VPS13B: variants seen among roughly 807,000 people sequenced by gnomAD.
VPS13B encodes the protein vacuolar protein sorting 13 homolog B, also known as intermembrane lipid transfer protein VPS13B.
VPS13B carries 285 observed loss-of-function variants against 426.4 expected under a neutral mutation model. The ratio of observed to expected loss-of-function variants is 0.67; its 90% CI spans 0.61 to 0.74. VPS13B has a LOEUF of 0.74. VPS13B is among the 30% of genes least tolerant of loss of function. VPS13B has a pLI of 0.00. For synonymous variants in VPS13B, 1,676 were observed against 1,676.4 expected (o/e 1.00, Z 0.01); for missense variants, 4,537 against 4,782.6 (o/e 0.95, Z 1.51).
intron 19 of VPS13B, among the ~76,000 whole-genome samples, chr8:99,320,441 G>A (rs1809915544): frequency 6.6e-6 from 1 of 151,826 alleles, no homozygotes; most frequent in South Asian, 2.1e-4. Flanking sequence ...TGTGATTTTG[G>A]CCAATTAATG....
At chr8:99,663,574 G>A (rs2129788129) in intron 35 of VPS13B, among the ~76,000 whole-genome samples, 1 of 152,084 alleles carries the variant, frequency 6.6e-6, no homozygotes, top group African/African-American at 2.4e-5. Context: ...CACTAAAAAT[G>A]AAAAAAACAT....
intron 33 of VPS13B, among the ~76,000 whole-genome samples, chr8:99,631,586 T>A (rs1312906618): frequency 6.6e-6 from 1 of 152,098 alleles, no homozygotes; most frequent in African/African-American, 2.4e-5. Context: ...CTGCTTGTAA[T>A]CATCTGGAAA....
At position 99,212,155 on chromosome 8, in the gene VPS13B, A is replaced by G. The variant is rs112231695; in HGVS notation, c.2515+19098A>G. ...TGATCCGCCCGCCTTGGCGTCCCAC[A>G]GTTCTGAGGTTACAGGCATGAGCCA... On this transcript the variant is annotated intron_variant, in intron 17 of 61. Coordinates refer to ENST00000357162, the MANE Select transcript of VPS13B (RefSeq NM_152564.5). Among the ~76,000 whole-genome samples the G allele has an allele frequency of 1.8e-3, 276 of 152,274 alleles. 1 individual carries two copies. Among genetic ancestry groups the G allele is most frequent in the African/African-American group, 6.3e-3 (262 of 41,556 alleles).
intron 17 of VPS13B, among the ~76,000 whole-genome samples, chr8:99,273,163 T>G (rs190609557): frequency 1.3e-5 from 2 of 149,892 alleles, no homozygotes; most frequent in Admixed American, 6.6e-5. Flanking sequence ...CAGGTAGTTT[T>G]TTTTTTTTTT....
chr8:99,813,880 T>C (rs1813868082), intron 44 of VPS13B, among the ~76,000 whole-genome samples: 1 of 152,232 alleles, frequency 6.6e-6, no homozygotes, highest in Non-Finnish European at 1.5e-5. Flanking sequence ...ATGCCTATGA[T>C]CCCAGCACTT....
intron 17 of VPS13B, among the ~76,000 whole-genome samples, chr8:99,251,166 C>G (rs554698965): frequency 1.3e-4 from 20 of 152,004 alleles, no homozygotes; most frequent in Non-Finnish European, 2.6e-4. Flanking sequence ...TTTTATCTCT[C>G]TTTGTTATTG....
At chr8:99,764,602 C>T (rs1409842610) in intron 39 of VPS13B, among the ~76,000 whole-genome samples, 5 of 151,672 alleles carry the variant, frequency 3.3e-5, no homozygotes, top group Admixed American at 6.6e-5. Context: ...TTAGTAGATA[C>T]GGGGTTTCTC....
chr8:99,297,824 A>C (rs1426007624), intron 19 of VPS13B, among the ~76,000 whole-genome samples: 1 of 152,188 alleles, frequency 6.6e-6, no homozygotes, highest in Non-Finnish European at 1.5e-5. Context: ...CCATCTTTCT[A>C]TGCCACTAAA....
intron 2 of VPS13B, among the ~76,000 whole-genome samples, chr8:99,020,458 C>T (rs961587764): frequency 6.6e-6 from 1 of 152,040 alleles, no homozygotes; most frequent in African/African-American, 2.4e-5. Flanking sequence ...ATAATAGTGT[C>T]CTTTGATGCA....
chr8:99,208,726 T>C (rs1310920618), intron 17 of VPS13B, among the ~76,000 whole-genome samples: 4 of 152,346 alleles, frequency 2.6e-5, no homozygotes, highest in Admixed American at 6.5e-5. Flanking sequence ...TTATCATAGA[T>C]TGACTTCCTA....
At chr8:99,284,694 G>T (rs1819340939) in intron 19 of VPS13B, among the ~76,000 whole-genome samples, 1 of 150,188 alleles carries the variant, frequency 6.7e-6, no homozygotes, top group African/African-American at 2.5e-5. Context: ...ATGACTACAG[G>T]CATGAGCTGC....
Position 99,819,441 on chromosome 8 carries a change from T to C in VPS13B, c.8651T>C (p.Val2884Ala), listed in dbSNP as rs767992097. 6.2e-7 allele frequency: 1 copy of C among 1,613,900 alleles called. No homozygotes were observed. Among genetic ancestry groups the C allele is most frequent in the Admixed American group, 1.7e-5 (1 of 60,006 alleles). The change falls in exon 48 of 62, where the codon GTT becomes GCT. Residue 2884 changes from valine to alanine, a missense_variant. By Grantham distance (64) the Val-to-Ala change is moderately conservative (BLOSUM62 0). Coordinates refer to ENST00000357162, the MANE Select transcript of VPS13B (RefSeq NM_152564.5). ...REEYDPSDCA[V>A]PISTSLIKQI... Reference sequence around the variant, plus strand: ...GAATATGATCCTTCAGATTGTGCAGTTCCCATCTCAACATCCCTCATTAAG... The same window carrying C: ...GAATATGATCCTTCAGATTGTGCAGCTCCCATCTCAACATCCCTCATTAAG...
At chr8:99,121,037 A>T in intron 7 of VPS13B, 140 bp from the exon 8 acceptor site, 1 of 718,576 alleles carries the variant, frequency 1.4e-6, no homozygotes, top group Admixed American at 2.9e-5. Context: ...TATTGGTTTC[A>T]AATAGTAATA....
intron 35 of VPS13B, among the ~76,000 whole-genome samples, chr8:99,663,340 A>C: frequency 6.6e-6 from 1 of 152,204 alleles, no homozygotes; most frequent in East Asian, 1.9e-4. Flanking sequence ...GTGTAGAAGT[A>C]TGAAGAACTA....
In VPS13B at chr8:99,844,271, C is replaced by T. The variant is rs112013836; in HGVS notation, c.9943-4505C>T. Among the ~76,000 whole-genome samples the T allele has an allele frequency of 2.4e-3, 361 of 151,960 alleles. 1 individual carries two copies. The highest frequency in any genetic ancestry group is 8.2e-3 in the African/African-American group (341 of 41,436). ...TCCAACATCAGGGTACTGGCAGATT[C>T]GGTATCTGGTGAGGACCCACTTCCT... On this transcript the variant is annotated intron_variant, in intron 54 of 61. Coordinates refer to ENST00000357162, the MANE Select transcript of VPS13B (RefSeq NM_152564.5).
At chr8:99,228,588 A>C (rs548572413) in intron 17 of VPS13B, among the ~76,000 whole-genome samples, 2 of 152,100 alleles carry the variant, frequency 1.3e-5, no homozygotes, top group East Asian at 3.9e-4. Context: ...TAGTTATCCA[A>C]TCTCACAGAT....
intron 19 of VPS13B, among the ~76,000 whole-genome samples, chr8:99,371,889 A>G (rs984711507): frequency 1.3e-5 from 2 of 152,188 alleles, no homozygotes; most frequent in African/African-American, 4.8e-5. Flanking sequence ...AAAGACTTAG[A>G]TGTAAAACCC....
At chr8:99,763,150 A>G (rs1411921593) in intron 39 of VPS13B, among the ~76,000 whole-genome samples, 3 of 150,318 alleles carry the variant, frequency 2.0e-5, no homozygotes, top group East Asian at 1.9e-4. Context: ...AAAAAAAAAA[A>G]AAAAAAAAAA....
chr8:99,151,579 G>C (rs186648998), intron 14 of VPS13B, among the ~76,000 whole-genome samples: 1 of 151,838 alleles, frequency 6.6e-6, no homozygotes, highest in Non-Finnish European at 1.5e-5. Context: ...TGTTGCCCAG[G>C]CTGGAGTGCA....
Sources: allele counts gnomAD v4.1 joint callset (sites outside exome capture counted in the v4.1 genomes callset), GRCh38; gene constraint gnomAD v4.1.1; transcripts MANE v1.5; gene names NCBI Gene and HGNC (gene_info 2026-07-23, HGNC 2026-07-21).